Variants in UCHL3 observed in about 807,000 individuals in gnomAD.
UCHL3 encodes ubiquitin carboxyl-terminal hydrolase isozyme L3.
UCHL3 carries 22 observed loss-of-function variants against 35.8 expected under a neutral mutation model. The observed-to-expected ratio is 0.61, with a 90% CI of 0.44 to 0.88. The LOEUF is 0.88. UCHL3 is among the 40% of genes least tolerant of loss of function. The probability of loss-of-function intolerance (pLI) is 0.00; values close to 1 mark genes in which losing one functional copy is unlikely to be tolerated. For synonymous variants in UCHL3, 90 were observed against 92.8 expected, an observed-to-expected ratio of 0.97 and a Z score of 0.17; for missense variants, 229 against 276.9, an observed-to-expected ratio of 0.83 and a Z score of 1.23.
At chr13:75,565,252 C>A (rs1010230152) in intron 3 of UCHL3, among the ~76,000 whole-genome samples, 27 of 152,158 alleles carry the variant, frequency 1.8e-4, no homozygotes, top group African/African-American at 6.5e-4. Context: ...ACAGACTAAG[C>A]TGTAGAACTG....
intron 7 of UCHL3, among the ~76,000 whole-genome samples, chr13:75,597,934 C>T (rs1218212013): frequency 6.6e-6 from 1 of 151,990 alleles, no homozygotes; most frequent in African/African-American, 2.4e-5. Context: ...CTCCCTTTTC[C>T]TTGGGGCCTC....
intron 7 of UCHL3, among the ~76,000 whole-genome samples, chr13:75,600,353 C>T (rs1323303234): frequency 6.6e-6 from 1 of 152,328 alleles, no homozygotes; most frequent in Non-Finnish European, 1.5e-5. Flanking sequence ...GAAGAAGATG[C>T]CATCTAGGAC....
intron 6 of UCHL3, among the ~76,000 whole-genome samples, chr13:75,579,872 G>A (rs575138143): frequency 2.0e-4 from 31 of 152,130 alleles, no homozygotes; most frequent in African/African-American, 7.0e-4. Flanking sequence ...AACTTTATTT[G>A]GGGCTACTCT....
intron 6 of UCHL3, among the ~76,000 whole-genome samples, chr13:75,574,483 A>T (rs1485324113): frequency 6.6e-6 from 1 of 152,178 alleles, no homozygotes; most frequent in Non-Finnish European, 1.5e-5. Context: ...AGAATTACAT[A>T]GTTTGAAGGT....
rs570689280 is a variant in UCHL3 at position 75,568,015 on chromosome 13, C to T, written c.426+703C>T. Among the ~76,000 whole-genome samples, 217 of 152,122 alleles carry T rather than the reference C, an allele frequency of 1.4e-3. 1 individual carries two copies. Among genetic ancestry groups the T allele is most frequent in the Middle Eastern group, 6.8e-3 (2 of 294 alleles). ...AAAGGTTTAAAGGTAGACATTAGAC[C>T]ATACTGTAGCTATTTCATCAGTGTA... is the stretch of plus-strand genomic sequence containing the variant. On this transcript the variant is annotated intron_variant, in intron 5 of 8. Coordinates refer to ENST00000377595, the MANE Select transcript of UCHL3 (RefSeq NM_006002.5).
intron 6 of UCHL3, among the ~76,000 whole-genome samples, chr13:75,575,639 C>A (rs942275110): frequency 2.0e-5 from 3 of 152,194 alleles, no homozygotes; most frequent in Admixed American, 6.5e-5. Context: ...GCCCCAAGGT[C>A]ACATATCTGC....
chr13:75,573,580 T>TA (rs1273236627), intron 6 of UCHL3, among the ~76,000 whole-genome samples: 1 of 152,154 alleles, frequency 6.6e-6, no homozygotes, highest in East Asian at 1.9e-4. Context: ...ACTGTAGCCT[T>TA]ACCTGGCCTG....
intron 7 of UCHL3, among the ~76,000 whole-genome samples, chr13:75,603,982 TTTTC>T (rs2032856434): frequency 6.6e-6 from 1 of 152,082 alleles, no homozygotes; most frequent in African/African-American, 2.4e-5. Flanking sequence ...TATGTGTTGA[TTTTC>T]ATTCATTTTT....
At chr13:75,594,397 C>T (rs753553438) in intron 6 of UCHL3, among the ~76,000 whole-genome samples, 5 of 152,098 alleles carry the variant, frequency 3.3e-5, no homozygotes, top group Admixed American at 2.0e-4. Context: ...TTATTTTACT[C>T]AAAGACTGTT....
intron 6 of UCHL3, among the ~76,000 whole-genome samples, chr13:75,581,454 A>G (rs1048245860): frequency 2.7e-5 from 4 of 145,950 alleles, no homozygotes; most frequent in African/African-American, 1.0e-4. Flanking sequence ...GGCTCAAACC[A>G]TCCTTCCACC....
chr13:75,587,209 C>A (rs2032351115), intron 6 of UCHL3, among the ~76,000 whole-genome samples: 1 of 151,756 alleles, frequency 6.6e-6, no homozygotes, highest in African/African-American at 2.4e-5. Flanking sequence ...TCACAGAGAT[C>A]ATGACTTTTT....
chr13:75,597,062 A>G (rs1471972256), intron 7 of UCHL3, among the ~76,000 whole-genome samples: 2 of 152,376 alleles, frequency 1.3e-5, no homozygotes, highest in East Asian at 3.9e-4. Context: ...TGTCAGAGCA[A>G]TAATAGGTAC....
chr13:75,599,388 A>C (rs1334546611), intron 7 of UCHL3, among the ~76,000 whole-genome samples: 1 of 152,210 alleles, frequency 6.6e-6, no homozygotes, highest in Admixed American at 6.6e-5. Flanking sequence ...GTAATAATAC[A>C]GGAATACCTC....
chr13:75,557,036 T>C (rs974250645), intron 2 of UCHL3, among the ~76,000 whole-genome samples: 2 of 152,068 alleles, frequency 1.3e-5, no homozygotes, highest in Non-Finnish European at 2.9e-5. Flanking sequence ...GGCAACATAG[T>C]GAGACGTCTC....
At chr13:75,587,722 A>G (rs941984937) in intron 6 of UCHL3, among the ~76,000 whole-genome samples, 10 of 152,208 alleles carry the variant, frequency 6.6e-5, no homozygotes, top group Admixed American at 2.6e-4. Context: ...AGAAGTTTTC[A>G]AAAAGGTTCT....
At chr13:75,566,927 T>C (rs2031703101) in intron 4 of UCHL3, 76 bp downstream of exon 4, 1 of 1,429,024 alleles carries the variant, frequency 7.0e-7, no homozygotes, top group Non-Finnish European at 9.4e-7. Flanking sequence ...GGTGGTGCTC[T>C]AATTCTTTCT....
At chr13:75,596,313 A>G (rs1418473326) in intron 7 of UCHL3, among the ~76,000 whole-genome samples, 1 of 152,220 alleles carries the variant, frequency 6.6e-6, no homozygotes, top group Non-Finnish European at 1.5e-5. Flanking sequence ...CTTAAATGAG[A>G]AGAAGTCATT....
intron 3 of UCHL3, among the ~76,000 whole-genome samples, chr13:75,561,831 G>A (rs189753240): frequency 7.5e-4 from 53 of 70,396 alleles, no homozygotes; most frequent in African/African-American, 1.9e-3. Flanking sequence ...ATATACGTAC[G>A]TATATACGTA....
intron 6 of UCHL3, among the ~76,000 whole-genome samples, chr13:75,584,640 CAT>C (rs985628468): frequency 6.6e-6 from 1 of 152,024 alleles, no homozygotes; most frequent in African/African-American, 2.4e-5. Flanking sequence ...GAGCTAGACT[CAT>C]ATATGATCTA....
Sources: allele counts gnomAD v4.1 joint callset (sites outside exome capture counted in the v4.1 genomes callset), GRCh38; gene constraint gnomAD v4.1.1; transcripts MANE v1.5; gene names NCBI Gene and HGNC (gene_info 2026-07-23, HGNC 2026-07-21).